STXBP4: variants seen among roughly 807,000 people sequenced by gnomAD.
STXBP4 encodes the protein syntaxin binding protein 4.
STXBP4 carries 55 observed loss-of-function variants against 76.1 expected under a neutral mutation model. The observed-to-expected ratio is 0.72, with a 90% CI of 0.58 to 0.91. The LOEUF (loss-of-function observed/expected upper bound fraction) is 0.91. Ranked by LOEUF, STXBP4 falls within the 40% of genes least tolerant of loss-of-function variation. STXBP4 has a pLI of 0.00. For missense variants in STXBP4, 618 were observed against 636.9 expected, an observed-to-expected ratio of 0.97 and a Z score of 0.32; for synonymous variants, 201 against 220.2, an observed-to-expected ratio of 0.91 and a Z score of 0.77.
At chr17:55,061,489 C>A (rs148090502) in intron 12 of STXBP4, among the ~76,000 whole-genome samples, 1 of 152,248 alleles carries the variant, frequency 6.6e-6, no homozygotes, top group African/African-American at 2.4e-5. Flanking sequence ...ATTTGTCAGT[C>A]TTTTCTGTTC....
chr17:55,078,631 T>C, intron 14 of STXBP4, 55 bp from the exon 15 acceptor site: 1 of 1,127,496 alleles, frequency 8.9e-7, no homozygotes, highest in Non-Finnish European at 1.3e-6. Context: ...AGAAAAGATA[T>C]TTTTTAAAAA....
At chr17:54,994,544 A>G (rs1207521953) in intron 4 of STXBP4, among the ~76,000 whole-genome samples, 1 of 152,160 alleles carries the variant, frequency 6.6e-6, no homozygotes, top group Non-Finnish European at 1.5e-5. Flanking sequence ...TTACTCTCGA[A>G]ATATCTCTTG....
At chr17:55,104,026 G>T (rs1458906218) in intron 16 of STXBP4, among the ~76,000 whole-genome samples, 3 of 152,120 alleles carry the variant, frequency 2.0e-5, no homozygotes, top group Non-Finnish European at 2.9e-5. Flanking sequence ...AGATTTTTTG[G>T]CTGAGACAGT....
rs370623755 is a variant in STXBP4 at position 55,172,136 on chromosome 17, C to T, written c.*12225C>T. On this transcript the variant is annotated 3_prime_UTR_variant, in exon 18 of 18. Coordinates refer to ENST00000376352, the MANE Select transcript of STXBP4 (RefSeq NM_178509.6). ...CAACTGTAGGTAAGGTTTGACTCAT[C>T]TGGGTTAGTAGTAAGAACAAACTTC... 9.8e-5 allele frequency: 15 copies of T among 152,330 alleles called. No homozygotes were observed. The East Asian group carries it at 2.3e-3, about 23-fold the overall frequency. 9.4% of individuals were successfully genotyped at this position (152,330 alleles called of 1,614,324 possible).
intron 16 of STXBP4, among the ~76,000 whole-genome samples, chr17:55,130,790 T>C (rs2787488): frequency 0.64 from 96,866 of 152,088 alleles, 31,700 homozygotes; most frequent in African/African-American, 0.79. Flanking sequence ...TTTCTGTGCC[T>C]GGCTTATTCC....
Position 55,034,241 on chromosome 17 carries a change from C to T in STXBP4, c.837C>T (p.Ser279=). Residue 279 remains serine, a synonymous_variant, in exon 10 of 18, where the codon TCC becomes TCT. Coordinates refer to ENST00000376352, the MANE Select transcript of STXBP4 (RefSeq NM_178509.6). ...DEVNVGAHEI[S]NILDSQLLPC... Reference sequence around the variant, plus strand: ...TAAATGTTGGTGCACATGAAATTTCCAATATATTAGATTCACAGGTAGAGT... The same window carrying T: ...TAAATGTTGGTGCACATGAAATTTCTAATATATTAGATTCACAGGTAGAGT... 1 of 1,611,174 alleles carries T rather than the reference C, an allele frequency of 6.2e-7. No individual in the cohort carries two copies. Among genetic ancestry groups the T allele is most frequent in the South Asian group, 1.1e-5 (1 of 90,632 alleles).
chr17:55,207,839 T>G, the STXBP4 span, among the ~76,000 whole-genome samples: 1 of 152,158 alleles, frequency 6.6e-6, no homozygotes, highest in African/African-American at 2.4e-5. Context: ...CGGAACAAGA[T>G]CTAGGATACC....
At chr17:54,996,176 G>A (rs936089084) in intron 4 of STXBP4, among the ~76,000 whole-genome samples, 1 of 151,110 alleles carries the variant, frequency 6.6e-6, no homozygotes, top group African/African-American at 2.4e-5. Flanking sequence ...TTCCAGCAGA[G>A]ATAGTGTTTG....
the STXBP4 span, among the ~76,000 whole-genome samples, chr17:55,188,806 C>T: frequency 7.2e-5 from 11 of 152,192 alleles, no homozygotes; most frequent in Non-Finnish European, 1.5e-4. Flanking sequence ...TTCCGAGTTT[C>T]CTCTTCTTTC....
chr17:54,971,326 A>G (rs910579748), intron 1 of STXBP4, among the ~76,000 whole-genome samples: 1 of 152,188 alleles, frequency 6.6e-6, no homozygotes, highest in Non-Finnish European at 1.5e-5. Flanking sequence ...CAACAGAAAT[A>G]CTTGTTTCTC....
rs949373792 is a variant in STXBP4, at chr17:55,007,656, T to C, written c.666+59T>C. On this transcript the variant is annotated intron_variant, in intron 8 of 17. Transcript: ENST00000376352. ...AGACAAAAACAGGAAAGAAGTATTC[T>C]CCTTCTTTGAGAGGATAAAGTACTG... 2.2e-6 allele frequency: 3 copies of C among 1,368,416 alleles called. No individual in the cohort carries two copies. The African/African-American group carries it at 4.4e-5, about 20-fold the overall frequency. The allele number at this position is 1,368,416 out of a possible 1,614,324, so 84.8% of individuals were successfully genotyped here.
the STXBP4 span, among the ~76,000 whole-genome samples, chr17:55,186,027 G>T: frequency 9.2e-5 from 14 of 152,176 alleles, no homozygotes; most frequent in Non-Finnish European, 2.1e-4. Context: ...ATAACAGGGT[G>T]TTAGATCTAG....
In STXBP4 at chr17:55,031,236, A is replaced by C; in HGVS notation, c.735A>C (p.Ala245=). Residue 245 remains alanine (A), a synonymous_variant, in exon 9 of 18, where the codon GCA becomes GCC. Transcript: ENST00000376352. ...AAGCCCTGAGACAGCAAGTACAAGCAGACTCAAAAGGGACAGTGTCTTTTG... is the reference window on the plus strand; with the variant it reads ...AAGCCCTGAGACAGCAAGTACAAGCCGACTCAAAAGGGACAGTGTCTTTTG... The part of the protein sequence containing the change: ...QHQALRQQVQ[A]DSKGTVSFGD... 2 of 1,613,194 alleles carry C rather than the reference A, an allele frequency of 1.2e-6. No homozygotes were observed. Among genetic ancestry groups the C allele is most frequent in the Non-Finnish European group, 8.5e-7 (1 of 1,179,276 alleles).
chr17:55,140,740 C>T (rs962857057), intron 16 of STXBP4, among the ~76,000 whole-genome samples: 3 of 152,036 alleles, frequency 2.0e-5, no homozygotes, highest in Non-Finnish European at 4.4e-5. Flanking sequence ...ATTGTTTGGC[C>T]GTTTATGTTT....
intron 12 of STXBP4, among the ~76,000 whole-genome samples, chr17:55,060,081 T>C (rs1248651876): frequency 6.6e-6 from 1 of 152,108 alleles, no homozygotes; most frequent in African/African-American, 2.4e-5. Context: ...TATACATCTG[T>C]GTATACAAAC....
chr17:55,122,486 A>G (rs2079856811), intron 16 of STXBP4, among the ~76,000 whole-genome samples: 1 of 152,264 alleles, frequency 6.6e-6, no homozygotes, highest in African/African-American at 2.4e-5. Context: ...AATGGAGTCT[A>G]TATTGTACAA....
intron 16 of STXBP4, among the ~76,000 whole-genome samples, chr17:55,113,956 C>T (rs1163562174): frequency 6.6e-6 from 1 of 152,110 alleles, no homozygotes; most frequent in African/African-American, 2.4e-5. Flanking sequence ...TTGCGACTTT[C>T]TTAACTTCTC....
intron 16 of STXBP4, among the ~76,000 whole-genome samples, chr17:55,089,621 A>G (rs994037353): frequency 2.0e-5 from 3 of 152,224 alleles, no homozygotes. Flanking sequence ...CTATATCATT[A>G]TAATGCCTTT....
At chr17:55,208,563 A>G in the STXBP4 span, among the ~76,000 whole-genome samples, 3,916 of 145,248 alleles carry the variant, frequency 0.027, 212 homozygotes, top group African/African-American at 0.097. Context: ...GCAAGGAAGG[A>G]AGGGAGGGAG....
Sources: gnomAD v4.1 joint callset for allele counts (sites outside exome capture counted in the v4.1 genomes callset) on GRCh38, gnomAD v4.1.1 for gene constraint, MANE v1.5 for transcripts, NCBI Gene and HGNC (gene_info 2026-07-23, HGNC 2026-07-21) for gene names.